Variants in MTA3 observed in about 807,000 individuals in gnomAD.
MTA3 encodes the protein metastasis associated 1 family member 3.
In MTA3, 34 loss-of-function variants were observed where a neutral mutation model predicts 83.5. That is an observed-to-expected ratio of 0.41 (90% CI 0.31 to 0.54). The LOEUF is 0.54. MTA3 is among the 20% of genes least tolerant of loss of function. The probability of loss-of-function intolerance (pLI) is 0.33; values close to 1 mark genes in which losing one functional copy is unlikely to be tolerated. For missense variants in MTA3, 761 were observed against 726.4 expected, an observed-to-expected ratio of 1.05 and a Z score of -0.55; for synonymous variants, 303 against 252.7, an observed-to-expected ratio of 1.20 and a Z score of -1.89.
At chr2:42,571,552 C>T (rs1371748525) in intron 2 of MTA3, among the ~76,000 whole-genome samples, 6 of 152,158 alleles carry the variant, frequency 3.9e-5, no homozygotes, top group Admixed American at 2.0e-4. Flanking sequence ...AACTCAGACC[C>T]TTTTTATGTT....
chr2:42,557,064 C>A (rs1332656112), intron 2 of MTA3, among the ~76,000 whole-genome samples: 1 of 152,096 alleles, frequency 6.6e-6, no homozygotes, highest in Non-Finnish European at 1.5e-5. Flanking sequence ...AATATATATA[C>A]CTACTTTGTG....
intron 3 of MTA3, among the ~76,000 whole-genome samples, chr2:42,587,155 T>C (rs1398415935): frequency 2.0e-5 from 3 of 152,004 alleles, no homozygotes; most frequent in Admixed American, 6.6e-5. Context: ...ATCGTGTCAC[T>C]GCACTCCAGC....
intron 14 of MTA3, 118 bp downstream of exon 14, chr2:42,709,214 G>C: frequency 6.9e-7 from 1 of 1,450,998 alleles, no homozygotes; most frequent in African/African-American, 1.4e-5. Flanking sequence ...CTTGTGTACA[G>C]CCTTTTATTT....
intron 11 of MTA3, among the ~76,000 whole-genome samples, chr2:42,701,747 C>G (rs1038985387): frequency 3.3e-5 from 5 of 151,114 alleles, no homozygotes; most frequent in South Asian, 2.1e-4. Flanking sequence ...GAAACCCCGT[C>G]TCTACTAAAA....
Position 42,755,744 on chromosome 2 carries a change from C to T in MTA3, c.*2345C>T, listed in dbSNP as rs1670196813. Reference sequence around the variant, plus strand: ...GCTCCCTTTCTGGGGCCATGGTGTCCCTGCTGTGTGTCAGTGGCATGTCAC... The same window carrying T: ...GCTCCCTTTCTGGGGCCATGGTGTCTCTGCTGTGTGTCAGTGGCATGTCAC... On this transcript the variant is annotated 3_prime_UTR_variant, in exon 17 of 17. Transcript: ENST00000405094. 1.0e-6 allele frequency: 1 copy of T among 985,524 alleles called. No individual in the cohort carries two copies. The allele number at this position is 985,524 out of a possible 1,614,324, so 61.0% of individuals were successfully genotyped here. A position where few individuals can be genotyped will look rare whatever the true frequency, so the allele number is the denominator to read the frequency against.
chr2:42,611,775 A>G (rs1163192762), intron 4 of MTA3, among the ~76,000 whole-genome samples: 1 of 152,102 alleles, frequency 6.6e-6, no homozygotes, highest in African/African-American at 2.4e-5. Flanking sequence ...CAGTTATACC[A>G]CCACACCCTA....
intron 2 of MTA3, among the ~76,000 whole-genome samples, chr2:42,507,976 TA>T (rs1049352917): frequency 6.6e-6 from 1 of 151,572 alleles, no homozygotes; most frequent in African/African-American, 2.4e-5. Context: ...GAAACCTAGT[TA>T]AAAAAAATCT....
intron 3 of MTA3, among the ~76,000 whole-genome samples, chr2:42,600,782 C>G (rs889889864): frequency 6.6e-6 from 1 of 152,190 alleles, no homozygotes; most frequent in Non-Finnish European, 1.5e-5. Flanking sequence ...CTCAGCTGAT[C>G]TGCCTGCCTT....
At chr2:42,706,437 A>G (rs926250186) in intron 12 of MTA3, among the ~76,000 whole-genome samples, 3 of 152,224 alleles carry the variant, frequency 2.0e-5, no homozygotes, top group Admixed American at 6.5e-5. Flanking sequence ...ATAATCCTCC[A>G]AAAATAATAC....
At chr2:42,691,813 C>G (rs1692926062) in intron 9 of MTA3, among the ~76,000 whole-genome samples, 1 of 152,168 alleles carries the variant, frequency 6.6e-6, no homozygotes, top group African/African-American at 2.4e-5. Flanking sequence ...AAGGTCTTTT[C>G]CTTCAGCACT....
At position 42,640,213 on chromosome 2, in the gene MTA3, G is replaced by C. The variant is rs756330823; in HGVS notation, c.358G>C (p.Val120Leu). Reference sequence around the variant, plus strand: ...TGCCCTTCTGAATGAGACAGAATCAGTATTGTCATATCTTGATAAGGAGGT... The same window carrying C: ...TGCCCTTCTGAATGAGACAGAATCACTATTGTCATATCTTGATAAGGAGGT... ...SVALLNETES[V>L]LSYLDKEDTF... Residue 120 changes from valine to leucine, a missense_variant, in exon 5 of 17, where the codon GTA becomes CTA. Transcript: ENST00000405094. 1 of 1,607,934 alleles carries C rather than the reference G, an allele frequency of 6.2e-7. No individual in the cohort carries two copies. The highest frequency in any genetic ancestry group is 1.7e-5 in the Admixed American group (1 of 59,482).
At chr2:42,589,787 A>T (rs1427179104) in intron 3 of MTA3, among the ~76,000 whole-genome samples, 3 of 151,816 alleles carry the variant, frequency 2.0e-5, no homozygotes, top group African/African-American at 7.3e-5. Context: ...AGGACACAAA[A>T]CCCTACTGTG....
chr2:42,650,277 A>G (rs749211709), intron 6 of MTA3, among the ~76,000 whole-genome samples: 16 of 152,196 alleles, frequency 1.1e-4, no homozygotes, highest in Non-Finnish European at 2.2e-4. Flanking sequence ...CACCTAGTGG[A>G]GAGAGAGGCC....
At chr2:42,685,902 A>C (rs1692326671) in intron 9 of MTA3, among the ~76,000 whole-genome samples, 4 of 152,232 alleles carry the variant, frequency 2.6e-5, no homozygotes. Flanking sequence ...AATAAAATGC[A>C]AATAATGTTA....
chr2:42,630,072 G>A (rs898501541), intron 4 of MTA3, among the ~76,000 whole-genome samples: 3 of 151,922 alleles, frequency 2.0e-5, no homozygotes, highest in Admixed American at 2.0e-4. Context: ...TAACACACCC[G>A]GCAAAAAACA....
At chr2:42,536,255 C>G (rs1017356741) in intron 2 of MTA3, among the ~76,000 whole-genome samples, 5 of 151,892 alleles carry the variant, frequency 3.3e-5, no homozygotes, top group African/African-American at 1.2e-4. Flanking sequence ...GGGTGGATCA[C>G]CTGAGGTCGG....
intron 16 of MTA3, among the ~76,000 whole-genome samples, chr2:42,750,660 G>A (rs1029482870): frequency 1.3e-5 from 2 of 152,144 alleles, no homozygotes; most frequent in African/African-American, 2.4e-5. Context: ...TGCATTCTGA[G>A]AGCTTCATGG....
chr2:42,600,242 T>C (rs1682397632), intron 3 of MTA3, among the ~76,000 whole-genome samples: 1 of 152,054 alleles, frequency 6.6e-6, no homozygotes, highest in African/African-American at 2.4e-5. Context: ...TGGTTGTCTG[T>C]CTTTTCATAT....
chr2:42,564,405 C>T (rs1558438281), upstream of MTA3, among the ~76,000 whole-genome samples: 1 of 152,136 alleles, frequency 6.6e-6, no homozygotes, highest in African/African-American at 2.4e-5. Flanking sequence ...TATGGAAGAA[C>T]CATCTCTATG....
Sources: allele counts gnomAD v4.1 joint callset (sites outside exome capture counted in the v4.1 genomes callset), GRCh38; gene constraint gnomAD v4.1.1; transcripts MANE v1.5; gene names NCBI Gene and HGNC (gene_info 2026-07-23, HGNC 2026-07-21).